Variants in CMTM8 observed in about 807,000 individuals in gnomAD.
CMTM8 encodes the protein CKLF like MARVEL transmembrane domain containing 8.
A neutral mutation model predicts 18.6 loss-of-function variants in CMTM8; 12 were observed. That is an observed-to-expected ratio of 0.65 (90% CI 0.41 to 1.05). The LOEUF is 1.05. CMTM8 is among the 50% of genes least tolerant of loss of function. The pLI is 0.00. For missense variants in CMTM8, 217 were observed against 227.2 expected, an observed-to-expected ratio of 0.95 and a Z score of 0.29; for synonymous variants, 87 against 90.6, an observed-to-expected ratio of 0.96 and a Z score of 0.23.
chr3:32,259,062 G>A, intron 1 of CMTM8: 1 of 368,762 alleles, frequency 2.7e-6, no homozygotes, highest in Non-Finnish European at 5.2e-6. Context: ...GGCGCCGGAG[G>A]GCAGGGGGTG....
chr3:32,291,889 T>TACA (rs1329125515), intron 1 of CMTM8, among the ~76,000 whole-genome samples: 1 of 152,234 alleles, frequency 6.6e-6, no homozygotes, highest in East Asian at 1.9e-4. Context: ...CCACTCTGTA[T>TACA]AACTAGTTGT....
At chr3:32,365,553 C>G (rs890597420) in intron 2 of CMTM8, among the ~76,000 whole-genome samples, 1 of 152,144 alleles carries the variant, frequency 6.6e-6, no homozygotes, top group African/African-American at 2.4e-5. Flanking sequence ...TCAAGTGATT[C>G]TCAAGCCTCA....
At chr3:32,271,432 C>T (rs968683136) in intron 1 of CMTM8, among the ~76,000 whole-genome samples, 1 of 152,182 alleles carries the variant, frequency 6.6e-6, no homozygotes, top group Non-Finnish European at 1.5e-5. Context: ...GTTCTGTATT[C>T]TATAAAGTTC....
chr3:32,246,548 T>C (rs1055885321), intron 1 of CMTM8, among the ~76,000 whole-genome samples: 12 of 152,194 alleles, frequency 7.9e-5, no homozygotes, highest in Non-Finnish European at 1.8e-4. Flanking sequence ...CCTACTCAGA[T>C]TACCCAATCT....
At chr3:32,266,244 A>G (rs1702342626) in intron 1 of CMTM8, among the ~76,000 whole-genome samples, 1 of 152,224 alleles carries the variant, frequency 6.6e-6, no homozygotes, top group African/African-American at 2.4e-5. Flanking sequence ...CACATCAAAA[A>G]GCTTATCCAC....
intron 1 of CMTM8, among the ~76,000 whole-genome samples, chr3:32,306,645 G>A (rs1364389394): frequency 6.6e-6 from 1 of 152,200 alleles, no homozygotes; most frequent in Non-Finnish European, 1.5e-5. Flanking sequence ...TAAGATTGCT[G>A]AGGCAAATGG....
At chr3:32,310,158 G>T (rs2077516) in intron 1 of CMTM8, among the ~76,000 whole-genome samples, 61,816 of 122,568 alleles carry the variant, frequency 0.5, 12,879 homozygotes, top group East Asian at 0.65. Flanking sequence ...TAAAATTGTG[G>T]TTTTTTTTTT....
At chr3:32,349,497 C>A (rs1696662715) in intron 1 of CMTM8, among the ~76,000 whole-genome samples, 1 of 152,110 alleles carries the variant, frequency 6.6e-6, no homozygotes, top group Non-Finnish European at 1.5e-5. Context: ...GCGCCTCAAT[C>A]CAGAGACTGT....
At chr3:32,310,149 A>T (rs529036447) in intron 1 of CMTM8, among the ~76,000 whole-genome samples, 1 of 144,888 alleles carries the variant, frequency 6.9e-6, no homozygotes, top group East Asian at 2.0e-4. Flanking sequence ...GATGATTTTT[A>T]AAATTGTGGT....
At chr3:32,332,844 G>T (rs758224810) in intron 1 of CMTM8, among the ~76,000 whole-genome samples, 3 of 152,028 alleles carry the variant, frequency 2.0e-5, no homozygotes, top group Non-Finnish European at 4.4e-5. Flanking sequence ...TCCTCAAAAG[G>T]CCCCCCTTGT....
chr3:32,304,920 A>G (rs1202613957), intron 1 of CMTM8, among the ~76,000 whole-genome samples: 2 of 152,252 alleles, frequency 1.3e-5, no homozygotes, highest in East Asian at 3.8e-4. Flanking sequence ...TTCTGCATAG[A>G]TGAGAAAGCT....
chr3:32,350,783 A>G (rs1030098421), intron 1 of CMTM8, among the ~76,000 whole-genome samples: 6 of 151,986 alleles, frequency 3.9e-5, no homozygotes, highest in Admixed American at 2.6e-4. Flanking sequence ...TCAGCCTCCC[A>G]AAGTGTTGGG....
intron 3 of CMTM8, 78 bp downstream of exon 3, chr3:32,368,066 T>C: frequency 2.0e-6 from 2 of 1,007,190 alleles, no homozygotes; most frequent in African/African-American, 3.2e-5. Flanking sequence ...GACAGAGTCA[T>C]CTGCAGGAAA....
chr3:32,250,022 C>G (rs1419001419), intron 1 of CMTM8, among the ~76,000 whole-genome samples: 1 of 152,092 alleles, frequency 6.6e-6, no homozygotes, highest in Non-Finnish European at 1.5e-5. Context: ...ATATTTAGGT[C>G]TATGATTCGT....
At position 32,327,098 on chromosome 3, in the gene CMTM8, A is replaced by G. The variant is rs535636794; in HGVS notation, c.148-30275A>G. Reference sequence around the variant, plus strand: ...CCAGTAACCTTAGTGACCCTCATTCAGCTGCTAGAAGAGTTAAAAAAAAAA... The same window carrying G: ...CCAGTAACCTTAGTGACCCTCATTCGGCTGCTAGAAGAGTTAAAAAAAAAA... On this transcript the variant is annotated intron_variant, in intron 1 of 3. Coordinates refer to ENST00000307526, the MANE Select transcript of CMTM8 (RefSeq NM_178868.5). Among the ~76,000 whole-genome samples, 11 of 151,060 alleles carry G rather than the reference A, an allele frequency of 7.3e-5. 1 individual carries two copies. In the South Asian group the frequency reaches 1.3e-3, roughly 17 times the overall value.
At chr3:32,335,858 G>A (rs1156276473) in intron 1 of CMTM8, among the ~76,000 whole-genome samples, 4 of 152,162 alleles carry the variant, frequency 2.6e-5, no homozygotes, top group Non-Finnish European at 5.9e-5. Flanking sequence ...TGCAGGGCGG[G>A]AGATCAGAAC....
intron 1 of CMTM8, among the ~76,000 whole-genome samples, chr3:32,276,191 C>T (rs1276854876): frequency 6.6e-6 from 1 of 152,080 alleles, no homozygotes; most frequent in Non-Finnish European, 1.5e-5. Context: ...GTTACTCGTC[C>T]TCCTCCTCTC....
intron 1 of CMTM8, among the ~76,000 whole-genome samples, chr3:32,248,716 C>T (rs1559361045): frequency 6.6e-6 from 1 of 151,698 alleles, no homozygotes; most frequent in Non-Finnish European, 1.5e-5. Context: ...CATGATCTCA[C>T]TCTGTTGCCA....
At chr3:32,278,350 C>G (rs1430873240) in intron 1 of CMTM8, among the ~76,000 whole-genome samples, 2 of 152,184 alleles carry the variant, frequency 1.3e-5, no homozygotes, top group African/African-American at 4.8e-5. Flanking sequence ...ATGGTATGGA[C>G]AAACTATATT....
Sources: allele counts gnomAD v4.1 joint callset (sites outside exome capture counted in the v4.1 genomes callset), GRCh38; gene constraint gnomAD v4.1.1; transcripts MANE v1.5; gene names NCBI Gene and HGNC (gene_info 2026-07-23, HGNC 2026-07-21).